Variants in IFT27 observed in about 807,000 individuals in gnomAD.
IFT27 encodes intraflagellar transport 27.
A neutral mutation model predicts 23.9 loss-of-function variants in IFT27; 19 were observed. That is an observed-to-expected ratio of 0.79 (90% CI 0.55 to 1.16). The LOEUF (loss-of-function observed/expected upper bound fraction) is 1.16, where lower values mean the gene tolerates loss of function less well. IFT27 is among the 50% of genes most tolerant of loss of function. IFT27 has a pLI of 0.00. For missense variants in IFT27, 206 were observed against 228.7 expected, an observed-to-expected ratio of 0.90 and a Z score of 0.64; for synonymous variants, 91 against 89.1, an observed-to-expected ratio of 1.02 and a Z score of -0.12.
At chr22:36,771,060 G>C (rs1938376056) in intron 1 of IFT27, among the ~76,000 whole-genome samples, 1 of 152,158 alleles carries the variant, frequency 6.6e-6, no homozygotes, top group South Asian at 2.1e-4. Flanking sequence ...GTGTGTGTGT[G>C]TGTGTGTTTC....
At chr22:36,762,051 G>A (rs568602696) in intron 6 of IFT27, 2 of 152,152 alleles carry the variant, frequency 1.3e-5, no homozygotes, top group Admixed American at 6.5e-5. Context: ...ACCAACACTC[G>A]GGCCCCTGCT....
chr22:36,762,631 G>A (rs1043714852), intron 6 of IFT27: 12 of 312,684 alleles, frequency 3.8e-5, no homozygotes, highest in African/African-American at 1.7e-4. Context: ...TGCAAACGTC[G>A]AGGGTCATGA....
intron 6 of IFT27, 40 bp from the exon 7 acceptor site, chr22:36,758,449 A>T: frequency 6.6e-7 from 1 of 1,508,806 alleles, no homozygotes; most frequent in Non-Finnish European, 9.2e-7. Flanking sequence ...GTTCTTTTAG[A>T]AGGGTCAGAG....
chr22:36,767,468 T>C, intron 2 of IFT27, 103 bp from the exon 3 acceptor site: 1 of 1,013,088 alleles, frequency 9.9e-7, no homozygotes, highest in Non-Finnish European at 1.5e-6. Flanking sequence ...CTATCTCCAG[T>C]GGAAGGGTTT....
intron 6 of IFT27, chr22:36,762,132 T>A (rs1166346010): frequency 6.6e-6 from 1 of 152,208 alleles, no homozygotes; most frequent in Non-Finnish European, 1.5e-5. Context: ...CCCTTCCTAG[T>A]GGAGTCTCAT....
intron 1 of IFT27, chr22:36,768,704 C>T (rs895438782): frequency 3.3e-5 from 5 of 152,816 alleles, no homozygotes; most frequent in African/African-American, 1.2e-4. Flanking sequence ...GAAGCTCTCC[C>T]TGCCCATCTT....
chr22:36,763,935 T>C lies in IFT27; in HGVS notation c.336A>G (p.Pro112=). The change falls in exon 5 of 7, where the codon CCA becomes CCG. Residue 112 remains proline, a synonymous_variant. Transcript: ENST00000433985. ...AGCCCGTACCTGGGAGAGAGATGCCTGGAGCCTGTGACCGAGCCTTCTCCA... is the reference window on the plus strand; with the variant it reads ...AGCCCGTACCTGGGAGAGAGATGCCCGGAGCCTGTGACCGAGCCTTCTCCA... ...KWLEKARSQA[P]GISLPGVLVG... 1.9e-6 allele frequency: 3 copies of C among 1,613,028 alleles called. No individual in the cohort carries two copies. The highest frequency in any genetic ancestry group is 2.5e-6 in the Non-Finnish European group (3 of 1,178,954).
At chr22:36,772,954 C>T (rs1030646231) in intron 1 of IFT27, among the ~76,000 whole-genome samples, 5 of 152,124 alleles carry the variant, frequency 3.3e-5, no homozygotes, top group Non-Finnish European at 7.3e-5. Context: ...CTGTGGAATC[C>T]CTGAAAAGAG....
chr22:36,775,593 G>A (rs938423263), intron 1 of IFT27, 81 bp downstream of exon 1: 3 of 1,474,078 alleles, frequency 2.0e-6, no homozygotes, highest in African/African-American at 2.8e-5. Flanking sequence ...AGGCAATTTA[G>A]GTGAACAAAA....
intron 1 of IFT27, among the ~76,000 whole-genome samples, chr22:36,773,310 G>C (rs372544653): frequency 3.0e-4 from 45 of 151,250 alleles, no homozygotes; most frequent in African/African-American, 9.5e-4. Flanking sequence ...GTGAGCTAAG[G>C]TTGTGCACCA....
At chr22:36,760,214 G>T (rs1185859629) in intron 6 of IFT27, 2 of 152,198 alleles carry the variant, frequency 1.3e-5, no homozygotes, top group African/African-American at 4.8e-5. Context: ...TGCTTCCGTC[G>T]AAAGTAGAGT....
chr22:36,768,407 C>A (rs1052445912), intron 1 of IFT27: 18 of 284,134 alleles, frequency 6.3e-5, no homozygotes, highest in Non-Finnish European at 9.7e-5. Flanking sequence ...AATCTCTTTC[C>A]AAATGCTATG....
chr22:36,762,780 T>C (rs1186636076), intron 6 of IFT27, 124 bp downstream of exon 6: 1 of 502,642 alleles, frequency 2.0e-6, no homozygotes, highest in Non-Finnish European at 3.5e-6. Flanking sequence ...AATGTAAACA[T>C]CAGTTCCAAA....
intron 6 of IFT27, chr22:36,760,668 G>A (rs1238820575): frequency 2.0e-5 from 3 of 152,578 alleles, no homozygotes; most frequent in Non-Finnish European, 4.4e-5. Context: ...CCTGTTTCTA[G>A]CCCTCGTTTA....
At chr22:36,767,498 G>A in intron 2 of IFT27, 133 bp from the exon 3 acceptor site, 1 of 778,214 alleles carries the variant, frequency 1.3e-6, no homozygotes, top group Non-Finnish European at 2.1e-6. Context: ...TCATTCTTGT[G>A]AGAAGCAGCT....
In IFT27 at chr22:36,776,056, C is replaced by G; in HGVS notation, c.-349G>C. ...CCAGAGGGTTCAAGGAAGGACGATC[C>G]GGCTCTCCTCCGATCACAAGTACCG... is the stretch of plus-strand genomic sequence containing the variant. On this transcript the variant is annotated 5_prime_UTR_variant, in exon 1 of 7. Coordinates refer to ENST00000433985, the MANE Select transcript of IFT27 (RefSeq NM_001177701.3). The G allele has an allele frequency of 2.9e-6, 1 of 347,908 alleles. No individual in the cohort carries two copies. The highest frequency in any genetic ancestry group is 5.4e-6 in the Non-Finnish European group (1 of 184,238). The allele number at this position is 347,908 out of a possible 1,614,324, so 21.6% of individuals were successfully genotyped here.
At position 36,774,700 on chromosome 22, in the gene IFT27, T is replaced by C. The variant is rs190158888; in HGVS notation, c.34+974A>G. Among the ~76,000 whole-genome samples, 8 of 152,086 alleles carry C rather than the reference T, an allele frequency of 5.3e-5. No homozygotes were observed. In the East Asian group the frequency reaches 9.7e-4, roughly 18 times the overall value. On this transcript the variant is annotated intron_variant, in intron 1 of 6. Coordinates refer to ENST00000433985, the MANE Select transcript of IFT27 (RefSeq NM_001177701.3). ...GGTGGCTTGCGCCTGTAATCCCAGC[T>C]ACTTGGGAGGCTGAGGCAGGGGAAT...
At chr22:36,770,171 A>C (rs1353456795) in intron 1 of IFT27, among the ~76,000 whole-genome samples, 3 of 152,142 alleles carry the variant, frequency 2.0e-5, no homozygotes, top group Non-Finnish European at 4.4e-5. Flanking sequence ...GACAGAGAGG[A>C]TGACGTCTGC....
intron 6 of IFT27, 152 bp downstream of exon 6, chr22:36,762,752 G>A: frequency 2.1e-6 from 1 of 467,476 alleles, no homozygotes; most frequent in Non-Finnish European, 3.8e-6. Flanking sequence ...GCTATACTGA[G>A]AAGAGATCTC....
Sources: allele counts gnomAD v4.1 joint callset (sites outside exome capture counted in the v4.1 genomes callset), GRCh38; gene constraint gnomAD v4.1.1; transcripts MANE v1.5; gene names NCBI Gene and HGNC (gene_info 2026-07-23, HGNC 2026-07-21).